The following DGKH variants were observed in gnomAD, a reference collection of about 807,000 sequenced individuals.
The protein encoded by DGKH is diacylglycerol kinase eta, also known as DAG kinase eta.
Under a neutral mutation model 159.3 loss-of-function variants are expected in DGKH, and 90 were observed. The ratio of observed to expected loss-of-function variants is 0.57; its 90% CI spans 0.48 to 0.67. The LOEUF (loss-of-function observed/expected upper bound fraction) is 0.67, where lower values mean the gene tolerates loss of function less well. Ranked by LOEUF, DGKH falls within the 30% of genes least tolerant of loss-of-function variation. The pLI, the probability that DGKH is intolerant of heterozygous loss-of-function variation, is 0.00. For missense variants in DGKH, 1,181 were observed against 1,506.1 expected, an observed-to-expected ratio of 0.78 and a Z score of 3.57; for synonymous variants, 536 against 553.8, an observed-to-expected ratio of 0.97 and a Z score of 0.45.
At chr13:42,077,806 T>C (rs994058364) in intron 1 of DGKH, among the ~76,000 whole-genome samples, 2 of 152,226 alleles carry the variant, frequency 1.3e-5, no homozygotes, top group Admixed American at 6.5e-5. Flanking sequence ...AGAATTAGGA[T>C]AAAAATATCC....
chr13:42,245,836 G>C (rs1175731642), downstream of DGKH, among the ~76,000 whole-genome samples: 2 of 152,158 alleles, frequency 1.3e-5, no homozygotes, highest in African/African-American at 4.8e-5. Flanking sequence ...GCCTGCCTCA[G>C]CCTCCCAAAG....
intron 13 of DGKH, among the ~76,000 whole-genome samples, chr13:42,185,708 A>G (rs1956901930): frequency 6.6e-6 from 1 of 152,178 alleles, no homozygotes; most frequent in African/African-American, 2.4e-5. Flanking sequence ...TGATAGTGTT[A>G]TATATATTTC....
At chr13:42,216,809 C>T (rs1336002413) in intron 26 of DGKH, 1 of 152,182 alleles carries the variant, frequency 6.6e-6, no homozygotes, top group Non-Finnish European at 1.5e-5. Flanking sequence ...GGAGCCCCTT[C>T]TTGGCTTTTT....
At chr13:42,208,747 T>C (rs1035595704) in intron 21 of DGKH, among the ~76,000 whole-genome samples, 1 of 151,712 alleles carries the variant, frequency 6.6e-6, no homozygotes, top group Non-Finnish European at 1.5e-5. Flanking sequence ...ATGAGTAGTA[T>C]ATCCGTGTAT....
chr13:42,194,840 T>A, intron 16 of DGKH, 45 bp from the exon 17 acceptor site: 1 of 1,571,744 alleles, frequency 6.4e-7, no homozygotes. Context: ...CTTATTTTTA[T>A]AGCTTTATCA....
At position 42,239,775 on chromosome 13, in the gene DGKH, G is replaced by A. The variant is rs1278468254; in HGVS notation, c.*10587G>A. On this transcript the variant is annotated 3_prime_UTR_variant, in exon 30 of 30. Coordinates refer to ENST00000337343, the MANE Select transcript of DGKH (RefSeq NM_178009.5). ...TCTTTTTTCTCTAAATTACAGAATA[G>A]CAAACTAACTCCTAAGCAAGATGAG... 6.6e-6 allele frequency: 1 copy of A among 152,364 alleles called. No homozygotes were observed. The highest frequency in any genetic ancestry group is 1.5e-5 in the Non-Finnish European group (1 of 68,018). The allele number at this position is 152,364 out of a possible 1,614,324, so 9.4% of individuals were successfully genotyped here. A position where few individuals can be genotyped will look rare whatever the true frequency, so the allele number is the denominator to read the frequency against.
At chr13:42,122,190 G>A (rs924167730) in intron 1 of DGKH, among the ~76,000 whole-genome samples, 1 of 152,134 alleles carries the variant, frequency 6.6e-6, no homozygotes, top group Admixed American at 6.5e-5. Flanking sequence ...GGAATGAGAG[G>A]GCATGAGTGC....
intron 1 of DGKH, among the ~76,000 whole-genome samples, chr13:42,113,009 G>C (rs1436390411): frequency 1.3e-5 from 2 of 152,156 alleles, no homozygotes; most frequent in African/African-American, 4.8e-5. Flanking sequence ...CTTTTGTTCG[G>C]ATCATAGTTG....
chr13:42,136,307 A>G (rs946613782), intron 3 of DGKH, among the ~76,000 whole-genome samples: 7 of 152,240 alleles, frequency 4.6e-5, no homozygotes, highest in South Asian at 2.1e-4. Context: ...TATCTTTCAG[A>G]GATATAGCAA....
intron 3 of DGKH, among the ~76,000 whole-genome samples, chr13:42,147,532 G>A (rs1429262992): frequency 6.6e-6 from 1 of 152,142 alleles, no homozygotes. Context: ...TTACATATGT[G>A]TCTTGTACAA....
At chr13:42,247,527 A>G (rs1594272076), downstream of DGKH, among the ~76,000 whole-genome samples, 1 of 152,292 alleles carries the variant, frequency 6.6e-6, no homozygotes, top group African/African-American at 2.4e-5. Context: ...CACTGTGCCC[A>G]GATCTACACT....
chr13:42,187,691 G>A (rs940340759), intron 14 of DGKH, among the ~76,000 whole-genome samples: 2 of 152,088 alleles, frequency 1.3e-5, no homozygotes, highest in Non-Finnish European at 2.9e-5. Context: ...TGACTGAAGG[G>A]GAGATGCATA....
At chr13:42,169,409 C>G (rs78271999) in intron 11 of DGKH, among the ~76,000 whole-genome samples, 1 of 152,114 alleles carries the variant, frequency 6.6e-6, no homozygotes, top group Admixed American at 6.6e-5. Flanking sequence ...CTCTTAATTG[C>G]TTTCTCTCTG....
At chr13:42,135,032 A>C (rs1035585223) in intron 3 of DGKH, among the ~76,000 whole-genome samples, 1 of 152,162 alleles carries the variant, frequency 6.6e-6, no homozygotes, top group East Asian at 1.9e-4. Flanking sequence ...GTATTGACTC[A>C]AATTAAGCTA....
rs1465330360 is a variant in DGKH, at chr13:42,155,474, A to G, written c.489+79A>G. The G allele has an allele frequency of 4.7e-6, 7 of 1,495,266 alleles. No individual in the cohort carries two copies. The South Asian group carries it at 8.2e-5, about 17-fold the overall frequency. 92.6% of individuals were successfully genotyped at this position (1,495,266 alleles called of 1,614,324 possible). A position where few individuals can be genotyped will look rare whatever the true frequency, so the allele number is the denominator to read the frequency against. ...AAAGGGCTAGAGCTCTACCGTGCAA[A>G]CATAAGTATGTGTACACTCATTCAG... On this transcript the variant is annotated intron_variant, in intron 4 of 29. Transcript: ENST00000337343.
chr13:42,056,513 C>A (rs867841552), intron 1 of DGKH, among the ~76,000 whole-genome samples: 1 of 152,108 alleles, frequency 6.6e-6, no homozygotes, highest in Non-Finnish European at 1.5e-5. Flanking sequence ...GGTTACAGAG[C>A]AGTTTTCTAT....
At position 42,068,799 on chromosome 13, in the gene DGKH, T is replaced by A. The variant is rs1882764992; in HGVS notation, c.192+19834T>A. The A allele has an allele frequency of 7.1e-6, 3 of 419,696 alleles. No homozygotes were observed. The East Asian group carries it at 1.1e-4, about 16-fold the overall frequency. 26.0% of individuals were successfully genotyped at this position (419,696 alleles called of 1,614,324 possible). A position where few individuals can be genotyped will look rare whatever the true frequency, so the allele number is the denominator to read the frequency against. Reference sequence around the variant, plus strand: ...ATGTAGAAAAAGAAAGTCTGGATTTTAAAAACCAAGTACTCATAAAATCCT... The same window carrying A: ...ATGTAGAAAAAGAAAGTCTGGATTTAAAAAACCAAGTACTCATAAAATCCT... On this transcript the variant is annotated intron_variant, in intron 1 of 29. Transcript: ENST00000337343.
At chr13:42,255,400 G>T (rs1481214439) in intron 30 of DGKH, among the ~76,000 whole-genome samples, 16 of 151,988 alleles carry the variant, frequency 1.1e-4, no homozygotes, top group Admixed American at 1.0e-3. Context: ...CATTTGATTT[G>T]CTGTCAGTGC....
chr13:42,201,805 T>C lies in DGKH; in HGVS notation c.2493+1896T>C, dbSNP rs150081624. On this transcript the variant is annotated intron_variant, in intron 20 of 29. Transcript: ENST00000337343. ...ATATATGTGTTTCATCGTTACCGTA[T>C]CAAATAAAAATCTAATGGCATGTCT... Among the ~76,000 whole-genome samples, 161 of 152,298 alleles carry C rather than the reference T, an allele frequency of 1.1e-3. 3 individuals carry two copies. The highest frequency in any genetic ancestry group is 3.7e-3 in the African/African-American group (155 of 41,568).
Sources: gnomAD v4.1 joint callset for allele counts (sites outside exome capture counted in the v4.1 genomes callset) on GRCh38, gnomAD v4.1.1 for gene constraint, MANE v1.5 for transcripts, NCBI Gene and HGNC (gene_info 2026-07-23, HGNC 2026-07-21) for gene names.